Variants in TRIP12 observed in about 807,000 individuals in gnomAD.
TRIP12 encodes thyroid hormone receptor interactor 12.
A neutral mutation model predicts 244.2 loss-of-function variants in TRIP12; 25 were observed. That is an observed-to-expected ratio of 0.10 (90% CI 0.07 to 0.14). The LOEUF is 0.14. TRIP12 is among the 10% of genes least tolerant of loss of function. The probability of loss-of-function intolerance (pLI) is 1.00; values close to 1 mark genes in which losing one functional copy is unlikely to be tolerated. For missense variants in TRIP12, 1,677 were observed against 2,486.4 expected (o/e 0.67, Z 6.92); for synonymous variants, 905 against 873.1 (o/e 1.04, Z -0.64).
At chr2:229,910,051 G>A (rs978469948) in intron 1 of TRIP12, among the ~76,000 whole-genome samples, 2 of 152,088 alleles carry the variant, frequency 1.3e-5, no homozygotes, top group Admixed American at 1.3e-4. Flanking sequence ...TCCTTTCCTT[G>A]AGCCATGATT....
intron 1 of TRIP12, among the ~76,000 whole-genome samples, chr2:229,906,541 G>A (rs1193067180): frequency 1.3e-5 from 2 of 151,448 alleles, no homozygotes; most frequent in Admixed American, 1.3e-4. Context: ...CCAACATGGT[G>A]AAACCCTGTC....
At chr2:229,861,054 A>T (rs1249319196) in intron 2 of TRIP12, among the ~76,000 whole-genome samples, 4 of 152,222 alleles carry the variant, frequency 2.6e-5, no homozygotes. Flanking sequence ...TTACACAGAA[A>T]ATCATTTCAA....
intron 6 of TRIP12, among the ~76,000 whole-genome samples, chr2:229,831,960 C>T (rs1031478237): frequency 1.4e-4 from 21 of 147,978 alleles, no homozygotes; most frequent in Non-Finnish European, 2.4e-4. Context: ...CTATATACTG[C>T]ACAGATTGTG....
At chr2:229,922,245 A>C (rs904324840), upstream of TRIP12, 55 of 466,568 alleles carry the variant, frequency 1.2e-4, 1 homozygote, top group Middle Eastern at 3.5e-3. Context: ...GACTGTGGAG[A>C]TCTACTTGGT....
intron 34 of TRIP12, among the ~76,000 whole-genome samples, chr2:229,783,495 AAACC>A (rs1295574302): frequency 6.6e-6 from 1 of 152,258 alleles, no homozygotes; most frequent in Non-Finnish European, 1.5e-5. Flanking sequence ...GTATTTCTAG[AAACC>A]AACAAACAAC....
At chr2:229,890,323 G>A (rs991233628) in intron 1 of TRIP12, among the ~76,000 whole-genome samples, 10 of 151,952 alleles carry the variant, frequency 6.6e-5, no homozygotes, top group Non-Finnish European at 1.3e-4. Flanking sequence ...CAGGTGATCC[G>A]CCTGCCTCGG....
chr2:229,920,069 C>G (rs946160075), intron 1 of TRIP12, among the ~76,000 whole-genome samples: 5 of 152,214 alleles, frequency 3.3e-5, no homozygotes, highest in African/African-American at 7.2e-5. Flanking sequence ...CTCAACCCCC[C>G]CGGGGTGTAA....
intron 38 of TRIP12, among the ~76,000 whole-genome samples, chr2:229,772,175 G>A (rs2034588080): frequency 6.6e-6 from 1 of 152,302 alleles, no homozygotes; most frequent in Admixed American, 6.5e-5. Flanking sequence ...AACTCTTATT[G>A]GTCCAACATT....
At chr2:229,915,165 T>C (rs943847031) in intron 1 of TRIP12, among the ~76,000 whole-genome samples, 12 of 152,174 alleles carry the variant, frequency 7.9e-5, no homozygotes, top group African/African-American at 2.4e-4. Context: ...GGCAGGAGGA[T>C]TGCTTGAACC....
rs145606941 is a variant in TRIP12 at position 229,901,047 on chromosome 2, C to T, written c.-50+20833G>A. Among the ~76,000 whole-genome samples the T allele has an allele frequency of 3.5e-3, 530 of 151,208 alleles. 5 individuals carry two copies. Among genetic ancestry groups the T allele is most frequent in the African/African-American group, 0.012 (495 of 41,228 alleles). On this transcript the variant is annotated intron_variant, in intron 1 of 41. Coordinates refer to ENST00000675903, the MANE Select transcript of TRIP12 (RefSeq NM_001348323.3). Reference sequence around the variant, plus strand: ...CTCCCGGGCTCAAGCAACTCTCCTGCCTCATCCTCACTAGTAGCTGGGATT... The same window carrying T: ...CTCCCGGGCTCAAGCAACTCTCCTGTCTCATCCTCACTAGTAGCTGGGATT...
chr2:229,814,540 T>C, intron 11 of TRIP12: 1 of 407,020 alleles, frequency 2.5e-6, no homozygotes, highest in Non-Finnish European at 4.3e-6. Flanking sequence ...GAAAAATATG[T>C]TTTACATAAT....
intron 17 of TRIP12, among the ~76,000 whole-genome samples, chr2:229,806,660 T>C (rs1004536918): frequency 6.6e-6 from 1 of 152,214 alleles, no homozygotes; most frequent in Non-Finnish European, 1.5e-5. Context: ...GGCCTGCTTA[T>C]ACACTGCTTA....
intron 1 of TRIP12, among the ~76,000 whole-genome samples, chr2:229,912,036 T>C (rs1221316177): frequency 2.0e-5 from 3 of 152,190 alleles, no homozygotes; most frequent in South Asian, 2.1e-4. Flanking sequence ...AAAAAGTATT[T>C]TGAATTACAA....
At chr2:229,815,520 A>G (rs934428829) in intron 9 of TRIP12, among the ~76,000 whole-genome samples, 4 of 136,414 alleles carry the variant, frequency 2.9e-5, no homozygotes, top group African/African-American at 1.5e-4. Context: ...CGACTTGAGT[A>G]TGCTGCTAGA....
intron 4 of TRIP12, among the ~76,000 whole-genome samples, chr2:229,854,627 AT>A (rs1445224640): frequency 1.3e-5 from 2 of 152,238 alleles, no homozygotes; most frequent in Non-Finnish European, 2.9e-5. Flanking sequence ...ACTCCTCAAA[AT>A]ATCATTACCT....
intron 1 of TRIP12, among the ~76,000 whole-genome samples, chr2:229,885,142 C>T (rs1560119149): frequency 6.6e-6 from 1 of 152,108 alleles, no homozygotes; most frequent in African/African-American, 2.4e-5. Context: ...TTTGTTACAA[C>T]CACCTACAGT....
At chr2:229,840,727 A>G (rs2154310124) in intron 5 of TRIP12, 95 bp downstream of exon 5, 1 of 923,922 alleles carries the variant, frequency 1.1e-6, no homozygotes, top group Non-Finnish European at 1.6e-6. Context: ...CAAACAAAAC[A>G]AAAAACAACC....
At chr2:229,832,300 G>C (rs2053649345) in intron 6 of TRIP12, among the ~76,000 whole-genome samples, 1 of 152,202 alleles carries the variant, frequency 6.6e-6, no homozygotes, top group Non-Finnish European at 1.5e-5. Flanking sequence ...TTACAAGTCT[G>C]TGGCCGCTTT....
intron 2 of TRIP12, among the ~76,000 whole-genome samples, chr2:229,860,907 T>C (rs180896987): frequency 3.9e-5 from 6 of 152,306 alleles, no homozygotes; most frequent in Admixed American, 3.9e-4. Flanking sequence ...TAATACATAA[T>C]GTGACTGTAA....
Sources: allele counts gnomAD v4.1 joint callset (sites outside exome capture counted in the v4.1 genomes callset), GRCh38; gene constraint gnomAD v4.1.1; transcripts MANE v1.5; gene names NCBI Gene and HGNC (gene_info 2026-07-23, HGNC 2026-07-21).